PCDH11X: variants seen among roughly 807,000 people sequenced by gnomAD.
PCDH11X encodes the protein protocadherin-11 X-linked.
A neutral mutation model predicts 53.3 loss-of-function variants in PCDH11X; 18 were observed. The ratio of observed to expected loss-of-function variants is 0.34; its 90% CI spans 0.23 to 0.50. The LOEUF is 0.50. Ranked by LOEUF, PCDH11X falls within the 20% of genes least tolerant of loss-of-function variation. The pLI is 0.98. For missense variants in PCDH11X, 570 were observed against 1,032.4 expected (o/e 0.55, Z 6.14); for synonymous variants, 279 against 393.3 (o/e 0.71, Z 3.44).
At chrX:92,555,675 TG>T (rs1275049639) in intron 10 of PCDH11X, among the ~76,000 whole-genome samples, 1 of 111,598 alleles carries the variant, frequency 9.0e-6, no homozygotes, top group Non-Finnish European at 1.9e-5. Flanking sequence ...ATGAAACAGC[TG>T]CTTGGTATTT....
chrX:92,465,879 T>C (rs2073147545), intron 9 of PCDH11X, among the ~76,000 whole-genome samples: 1 of 110,933 alleles, frequency 9.0e-6, no homozygotes, highest in African/African-American at 3.3e-5. Flanking sequence ...CTAATTAAAA[T>C]ATTTGCTAGT....
intron 6 of PCDH11X, among the ~76,000 whole-genome samples, chrX:92,158,841 G>C (rs1318900812): frequency 9.0e-6 from 1 of 110,887 alleles, no homozygotes; most frequent in Non-Finnish European, 1.9e-5. Context: ...TCACCTTGTT[G>C]GCCAGGATGG....
chrX:92,181,259 C>A (rs750025272), intron 6 of PCDH11X, among the ~76,000 whole-genome samples: 8 of 111,193 alleles, frequency 7.2e-5, no homozygotes, highest in Non-Finnish European at 1.3e-4. Context: ...ATTTGTGGAA[C>A]TTTGAACTTG....
At chrX:92,100,792 T>C (rs1029539197) in intron 6 of PCDH11X, among the ~76,000 whole-genome samples, 1 of 110,463 alleles carries the variant, frequency 9.1e-6, no homozygotes, top group African/African-American at 3.3e-5. Flanking sequence ...GGACGATGTT[T>C]CTCAGGGCTG....
intron 6 of PCDH11X, among the ~76,000 whole-genome samples, chrX:92,035,256 T>C (rs1055372385): frequency 1.8e-5 from 2 of 111,764 alleles, no homozygotes; most frequent in Non-Finnish European, 3.8e-5. Context: ...GGATGATTTC[T>C]TCCTGCTCAT....
chrX:91,812,595 T>C (rs1228061763), intron 4 of PCDH11X, among the ~76,000 whole-genome samples: 1 of 111,669 alleles, frequency 9.0e-6, no homozygotes, highest in East Asian at 2.8e-4. Context: ...GTTCTCCATC[T>C]TTGTTGTCAC....
At chrX:92,364,914 CAAA>C (rs57977407) in intron 8 of PCDH11X, among the ~76,000 whole-genome samples, 1,213 of 44,691 alleles carry the variant, frequency 0.027, 48 homozygotes, top group African/African-American at 0.08. Context: ...ACCCTTTCTA[CAAA>C]AAAAAAAAAA....
chrX:92,277,468 G>A (rs2068125414), intron 8 of PCDH11X, among the ~76,000 whole-genome samples: 1 of 109,404 alleles, frequency 9.1e-6, no homozygotes, highest in African/African-American at 3.3e-5. Flanking sequence ...GAGAACACAG[G>A]CCAAGGGAGT....
intron 9 of PCDH11X, among the ~76,000 whole-genome samples, chrX:92,397,755 G>A (rs750789702): frequency 1.2e-3 from 133 of 110,427 alleles, no homozygotes; most frequent in Non-Finnish European, 2.3e-3. Flanking sequence ...ATTCTCAGTT[G>A]TTGGATAAAT....
At chrX:91,841,918 T>TGAGAA (rs1340066776) in intron 5 of PCDH11X, among the ~76,000 whole-genome samples, 1 of 93,627 alleles carries the variant, frequency 1.1e-5, no homozygotes, top group Non-Finnish European at 2.1e-5. Context: ...ACACCTTGTA[T>TGAGAA]GAGAAGTGAT....
chrX:91,848,057 C>T (rs1178308426), intron 5 of PCDH11X, among the ~76,000 whole-genome samples: 2 of 111,663 alleles, frequency 1.8e-5, no homozygotes, highest in African/African-American at 6.5e-5. Context: ...ACATATTTCC[C>T]TAAATAGCCA....
intron 8 of PCDH11X, among the ~76,000 whole-genome samples, chrX:92,308,761 AAT>A (rs1429726398): frequency 1.4e-4 from 16 of 111,614 alleles, no homozygotes; most frequent in Middle Eastern, 4.7e-3. Context: ...TGATATCCAG[AAT>A]AGCTAAAGTA....
At chrX:92,132,533 G>A (rs1216648930) in intron 6 of PCDH11X, among the ~76,000 whole-genome samples, 3 of 102,288 alleles carry the variant, frequency 2.9e-5, no homozygotes, top group Non-Finnish European at 5.9e-5. Flanking sequence ...GCTTGAACCC[G>A]GGAGGCAGAG....
chrX:92,474,861 T>G (rs750458358), intron 10 of PCDH11X, among the ~76,000 whole-genome samples: 1 of 110,000 alleles, frequency 9.1e-6, no homozygotes, highest in East Asian at 2.9e-4. Context: ...TTTTAATATT[T>G]CTACTTATGA....
chrX:91,824,603 C>A (rs1192522111), intron 4 of PCDH11X, among the ~76,000 whole-genome samples: 4 of 102,745 alleles, frequency 3.9e-5, no homozygotes, highest in Non-Finnish European at 5.8e-5. Context: ...TTTTCAACTT[C>A]TTTGCCTTTG....
intron 10 of PCDH11X, among the ~76,000 whole-genome samples, chrX:92,507,833 A>T (rs918517787): frequency 9.1e-5 from 10 of 110,266 alleles, no homozygotes; most frequent in African/African-American, 3.3e-4. Flanking sequence ...TTTTTTTTTA[A>T]CAGAGTCCTC....
intron 10 of PCDH11X, among the ~76,000 whole-genome samples, chrX:92,609,003 A>G (rs2148815011): frequency 9.0e-6 from 1 of 111,326 alleles, no homozygotes; most frequent in Non-Finnish European, 1.9e-5. Context: ...TACACGATGT[A>G]GACTGTTGAT....
chrX:91,950,931 A>G (rs1408005486), intron 6 of PCDH11X, among the ~76,000 whole-genome samples: 3 of 109,804 alleles, frequency 2.7e-5, no homozygotes, highest in African/African-American at 6.6e-5. Context: ...ACAACCTCGC[A>G]AAATCACTCC....
intron 10 of PCDH11X, among the ~76,000 whole-genome samples, chrX:92,606,225 T>C (rs1602433757): frequency 2.7e-5 from 1 of 37,334 alleles, no homozygotes; most frequent in Non-Finnish European, 4.1e-5. Flanking sequence ...AGAGGGAAAT[T>C]CCGTCTCAAA....
Sources: allele counts gnomAD v4.1 joint callset (sites outside exome capture counted in the v4.1 genomes callset), GRCh38; gene constraint gnomAD v4.1.1; transcripts MANE v1.5; gene names NCBI Gene and HGNC (gene_info 2026-07-23, HGNC 2026-07-21).